Variants in CHRM3 observed in about 807,000 individuals in gnomAD.
The protein encoded by CHRM3 is muscarinic acetylcholine receptor M3.
Under a neutral mutation model 41.8 loss-of-function variants are expected in CHRM3, and 11 were observed. The observed-to-expected ratio is 0.26, with a 90% CI of 0.17 to 0.44. The LOEUF is 0.44. CHRM3 is among the 20% of genes least tolerant of loss of function. The pLI, the probability that CHRM3 is intolerant of heterozygous loss-of-function variation, is 1.00. For synonymous variants in CHRM3, 297 were observed against 301.4 expected, an observed-to-expected ratio of 0.99 and a Z score of 0.15; for missense variants, 571 against 745.4, an observed-to-expected ratio of 0.77 and a Z score of 2.72.
At chr1:239,731,602 G>A (rs933808888) in intron 5 of CHRM3, among the ~76,000 whole-genome samples, 42 of 151,966 alleles carry the variant, frequency 2.8e-4, no homozygotes, top group African/African-American at 1.0e-3. Context: ...AGAGAGAACA[G>A]TAGAGAAGGG....
chr1:239,728,048 G>T (rs1314796481), intron 5 of CHRM3, among the ~76,000 whole-genome samples: 1 of 151,970 alleles, frequency 6.6e-6, no homozygotes, highest in Non-Finnish European at 1.5e-5. Flanking sequence ...TGGTAGGATT[G>T]TAAACTACCT....
rs138548007 is a variant in CHRM3, at chr1:239,389,730, T to G, written c.-521+2503T>G. Among the ~76,000 whole-genome samples, 214 of 152,342 alleles carry G rather than the reference T, an allele frequency of 1.4e-3. 1 individual carries two copies. The highest frequency in any genetic ancestry group is 5.0e-3 in the African/African-American group (209 of 41,576). On this transcript the variant is annotated intron_variant, in intron 1 of 6. Transcript: ENST00000676153. Reference sequence around the variant, plus strand: ...TATAAAGTAATACATATTTTCAGATTTTTAGTTAAAATCTCTGTCATTTTC... The same window carrying G: ...TATAAAGTAATACATATTTTCAGATGTTTAGTTAAAATCTCTGTCATTTTC...
chr1:239,851,038 G>A (rs781044681), intron 6 of CHRM3, among the ~76,000 whole-genome samples: 17 of 152,104 alleles, frequency 1.1e-4, no homozygotes, highest in Non-Finnish European at 2.4e-4. Flanking sequence ...AAAGGACAGT[G>A]AAGCTACAGA....
At chr1:239,394,699 CAGA>C (rs1659329974) in intron 1 of CHRM3, among the ~76,000 whole-genome samples, 2 of 152,192 alleles carry the variant, frequency 1.3e-5, no homozygotes, top group African/African-American at 4.8e-5. Flanking sequence ...CAGTGAGATG[CAGA>C]TCCCCTTTAT....
At chr1:239,740,614 C>T (rs1664760926) in intron 5 of CHRM3, among the ~76,000 whole-genome samples, 1 of 152,116 alleles carries the variant, frequency 6.6e-6, no homozygotes, top group African/African-American at 2.4e-5. Flanking sequence ...TGCTCTCCCT[C>T]CCCTTGCCCC....
At chr1:239,648,751 G>T (rs1671972478) in intron 4 of CHRM3, among the ~76,000 whole-genome samples, 1 of 152,240 alleles carries the variant, frequency 6.6e-6, no homozygotes, top group African/African-American at 2.4e-5. Flanking sequence ...AGGGTCACCA[G>T]TAAGTCAGAA....
intron 2 of CHRM3, among the ~76,000 whole-genome samples, chr1:239,542,193 C>T (rs1482939411): frequency 6.6e-6 from 1 of 151,994 alleles, no homozygotes; most frequent in African/African-American, 2.4e-5. Context: ...GATAATAATA[C>T]AATATTATTA....
chr1:239,671,997 T>C (rs1674417208), intron 4 of CHRM3, among the ~76,000 whole-genome samples: 1 of 152,162 alleles, frequency 6.6e-6, no homozygotes, highest in African/African-American at 2.4e-5. Flanking sequence ...GTCTGAATCA[T>C]GCCTCCCAGC....
intron 1 of CHRM3, among the ~76,000 whole-genome samples, chr1:239,429,154 A>G (rs1662626635): frequency 6.6e-6 from 1 of 152,252 alleles, no homozygotes; most frequent in Admixed American, 6.5e-5. Flanking sequence ...ATTTGATATT[A>G]CAAATTCTTA....
intron 3 of CHRM3, among the ~76,000 whole-genome samples, chr1:239,581,186 T>G (rs1483917881): frequency 2.0e-5 from 3 of 152,026 alleles, no homozygotes; most frequent in African/African-American, 7.2e-5. Flanking sequence ...GAAATAGTAA[T>G]AATATAAAGG....
At chr1:239,696,862 C>A (rs1462735659) in intron 5 of CHRM3, among the ~76,000 whole-genome samples, 2 of 152,160 alleles carry the variant, frequency 1.3e-5, no homozygotes, top group Non-Finnish European at 2.9e-5. Context: ...TAAATAAAAT[C>A]CTTTTCGTTC....
intron 5 of CHRM3, among the ~76,000 whole-genome samples, chr1:239,826,129 T>C (rs548762158): frequency 6.6e-6 from 1 of 152,298 alleles, no homozygotes; most frequent in African/African-American, 2.4e-5. Flanking sequence ...GAAGGATATA[T>C]ATCATTGTGA....
chr1:239,583,510 A>T lies in CHRM3; in HGVS notation c.-313+37761A>T, dbSNP rs189201410. Among the ~76,000 whole-genome samples, 842 of 152,292 alleles carry T rather than the reference A, an allele frequency of 5.5e-3. 5 individuals carry two copies. The highest frequency in any genetic ancestry group is 0.016 in the African/African-American group (662 of 41,564). Reference sequence around the variant, plus strand: ...TTGGGAAGACGGGACGTCGACACAGAGAGCTATGGTCATGCAGGTCAATTT... The same window carrying T: ...TTGGGAAGACGGGACGTCGACACAGTGAGCTATGGTCATGCAGGTCAATTT... On this transcript the variant is annotated intron_variant, in intron 3 of 6. Coordinates refer to ENST00000676153, the MANE Select transcript of CHRM3 (RefSeq NM_001375978.1).
rs538140816 is a variant in CHRM3, at chr1:239,808,207, C to T, written c.-146-19045C>T. On this transcript the variant is annotated intron_variant, in intron 5 of 6. Coordinates refer to ENST00000676153, the MANE Select transcript of CHRM3 (RefSeq NM_001375978.1). ...GCCCTAGAGAAAGCTCTCCAGCTCC[C>T]TGTGACAAGTCGTAGCTGAAGTCAG... 3.3e-5 allele frequency among the ~76,000 whole-genome samples: 5 copies of T among 152,260 alleles called. No homozygotes were observed. In the East Asian group the frequency reaches 9.7e-4, roughly 29 times the overall value.
chr1:239,550,306 T>A (rs988195498), intron 3 of CHRM3, among the ~76,000 whole-genome samples: 6 of 152,190 alleles, frequency 3.9e-5, no homozygotes, highest in Non-Finnish European at 7.3e-5. Flanking sequence ...TGCTCTTCTG[T>A]ACTGTGTGCA....
At chr1:239,691,241 A>G (rs954930941) in intron 5 of CHRM3, among the ~76,000 whole-genome samples, 1 of 152,066 alleles carries the variant, frequency 6.6e-6, no homozygotes, top group Non-Finnish European at 1.5e-5. Context: ...TTTATTTGAA[A>G]CTTGCAGGAT....
chr1:239,866,765 A>C (rs533677433), intron 6 of CHRM3, among the ~76,000 whole-genome samples: 1 of 152,342 alleles, frequency 6.6e-6, no homozygotes, highest in South Asian at 2.1e-4. Flanking sequence ...GCATAGGAGG[A>C]ATAAAATACT....
intron 3 of CHRM3, among the ~76,000 whole-genome samples, chr1:239,550,073 T>G (rs1659671074): frequency 6.6e-6 from 1 of 151,878 alleles, no homozygotes; most frequent in Admixed American, 6.6e-5. Context: ...TATGTGACCC[T>G]CTCTCACATG....
At chr1:239,455,198 T>C (rs1034890458) in intron 1 of CHRM3, among the ~76,000 whole-genome samples, 6 of 152,054 alleles carry the variant, frequency 3.9e-5, no homozygotes, top group Non-Finnish European at 7.4e-5. Flanking sequence ...ATTACAAGCA[T>C]ACGCTACCAC....
Sources: gnomAD v4.1 joint callset for allele counts (sites outside exome capture counted in the v4.1 genomes callset) on GRCh38, gnomAD v4.1.1 for gene constraint, MANE v1.5 for transcripts, NCBI Gene and HGNC (gene_info 2026-07-23, HGNC 2026-07-21) for gene names.